NRXN3: variants seen among roughly 807,000 people sequenced by gnomAD.
NRXN3 encodes neurexin III.
Under a neutral mutation model 137.6 loss-of-function variants are expected in NRXN3, and 32 were observed. The observed-to-expected ratio is 0.23, with a 90% confidence interval of 0.18 to 0.31. The LOEUF is 0.31. Among genes scored for constraint, NRXN3 ranks in the 10% least tolerant of loss-of-function variants. NRXN3 has a pLI of 1.00. For missense variants in NRXN3, 1,574 were observed against 2,062.5 expected (o/e 0.76, Z 4.59); for synonymous variants, 798 against 784.5 (o/e 1.02, Z -0.29).
At chr14:79,361,951 T>C (rs2093694752) in intron 15 of NRXN3, among the ~76,000 whole-genome samples, 2 of 151,270 alleles carry the variant, frequency 1.3e-5, no homozygotes. Flanking sequence ...TGTAAGACTC[T>C]CGAGGCCAGC....
chr14:78,387,347 A>C (rs2090121320), intron 4 of NRXN3, among the ~76,000 whole-genome samples: 1 of 152,172 alleles, frequency 6.6e-6, no homozygotes, highest in Non-Finnish European at 1.5e-5. Context: ...ATAGGGCAGA[A>C]GATGGTCTTG....
intron 17 of NRXN3, among the ~76,000 whole-genome samples, chr14:79,682,804 A>C (rs1420016014): frequency 6.6e-6 from 1 of 151,996 alleles, no homozygotes; most frequent in Non-Finnish European, 1.5e-5. Flanking sequence ...AGCAAACTCT[A>C]CTCCCAGAAA....
intron 15 of NRXN3, among the ~76,000 whole-genome samples, chr14:79,440,246 A>G (rs1450889266): frequency 6.6e-6 from 1 of 152,204 alleles, no homozygotes; most frequent in East Asian, 1.9e-4. Flanking sequence ...GCAGAAAGTG[A>G]TTTGAATTCT....
intron 19 of NRXN3, among the ~76,000 whole-genome samples, chr14:79,748,234 T>C (rs2098985612): frequency 6.6e-6 from 1 of 151,960 alleles, no homozygotes; most frequent in Non-Finnish European, 1.5e-5. Context: ...GCAAGCTTTA[T>C]GCCAAAAAAA....
chr14:78,927,563 T>C (rs537435666), intron 10 of NRXN3, among the ~76,000 whole-genome samples: 1 of 152,180 alleles, frequency 6.6e-6, no homozygotes, highest in Admixed American at 6.5e-5. Flanking sequence ...CTTCATACAG[T>C]GTTGAGAGTT....
chr14:78,702,451 C>CTTTTCTTCTTTTT (rs151197180), intron 6 of NRXN3, among the ~76,000 whole-genome samples: 2 of 122,720 alleles, frequency 1.6e-5, no homozygotes, highest in South Asian at 5.1e-4. Flanking sequence ...TTTTTCTTTT[C>CTTTTCTTCTTTTT]TTATTTTTTT....
intron 4 of NRXN3, among the ~76,000 whole-genome samples, chr14:78,459,474 G>A (rs550807751): frequency 5.1e-4 from 77 of 152,226 alleles, no homozygotes; most frequent in African/African-American, 1.8e-3. Flanking sequence ...CCCATGGAAG[G>A]TCTTCCCTCT....
chr14:78,338,959 T>A (rs1438915371), intron 4 of NRXN3, among the ~76,000 whole-genome samples: 1 of 152,218 alleles, frequency 6.6e-6, no homozygotes, highest in East Asian at 1.9e-4. Context: ...TCTAGGCTCC[T>A]GACTTTGAAT....
intron 16 of NRXN3, among the ~76,000 whole-genome samples, chr14:79,467,785 A>T (rs2153614304): frequency 6.6e-6 from 1 of 152,306 alleles, no homozygotes; most frequent in East Asian, 1.9e-4. Context: ...GGGATTTGGC[A>T]AACCTTCTGT....
intron 4 of NRXN3, among the ~76,000 whole-genome samples, chr14:78,588,063 G>A (rs1047587621): frequency 6.6e-6 from 1 of 152,132 alleles, no homozygotes; most frequent in Non-Finnish European, 1.5e-5. Flanking sequence ...GTAAATAAAT[G>A]AGAAGAATTT....
chr14:78,478,936 A>G (rs2095425198), intron 4 of NRXN3, among the ~76,000 whole-genome samples: 1 of 152,156 alleles, frequency 6.6e-6, no homozygotes, highest in Non-Finnish European at 1.5e-5. Context: ...TCCTCCTTCA[A>G]GCTCTATGCA....
In NRXN3 at chr14:79,324,159, T is replaced by C. The variant is rs1168547816; in HGVS notation, c.3263-143062T>C. On this transcript the variant is annotated intron_variant, in intron 15 of 20. Coordinates refer to ENST00000335750, the MANE Select transcript of NRXN3 (RefSeq NM_001330195.2). ...GCCCAGAAATAATTTGGCCAGGGAT[T>C]GTGTTACTATTGTTGAATTAAACCA... Among the ~76,000 whole-genome samples, 3 of 152,230 alleles carry C rather than the reference T, an allele frequency of 2.0e-5. No homozygotes were observed. In the East Asian group the frequency reaches 5.8e-4, roughly 29 times the overall value.
intron 15 of NRXN3, among the ~76,000 whole-genome samples, chr14:79,415,679 G>C (rs2095486624): frequency 6.6e-6 from 1 of 152,066 alleles, no homozygotes; most frequent in African/African-American, 2.4e-5. Flanking sequence ...GTCACTCTAT[G>C]ACCTGTTGTC....
chr14:78,396,044 T>G (rs2091420423), intron 4 of NRXN3, among the ~76,000 whole-genome samples: 1 of 152,034 alleles, frequency 6.6e-6, no homozygotes. Flanking sequence ...TTCTCTGTGT[T>G]TCTCTTTTCT....
chr14:78,615,398 A>G (rs960402335), intron 4 of NRXN3, among the ~76,000 whole-genome samples: 1 of 150,366 alleles, frequency 6.7e-6, no homozygotes, highest in African/African-American at 2.5e-5. Context: ...CAGGAGATCG[A>G]AACCATCCTA....
At chr14:79,541,277 C>T (rs755080368) in intron 16 of NRXN3, among the ~76,000 whole-genome samples, 8 of 152,130 alleles carry the variant, frequency 5.3e-5, no homozygotes, top group Non-Finnish European at 8.8e-5. Context: ...GTGGCGCATG[C>T]CTGTAATCCC....
intron 15 of NRXN3, among the ~76,000 whole-genome samples, chr14:79,002,508 G>A (rs1296683631): frequency 6.6e-6 from 1 of 152,096 alleles, no homozygotes; most frequent in Admixed American, 6.6e-5. Context: ...TGAGAATAAT[G>A]GCTTCCAGCT....
intron 1 of NRXN3, among the ~76,000 whole-genome samples, chr14:78,206,407 AC>A (rs1340398679): frequency 6.6e-6 from 1 of 152,136 alleles, no homozygotes; most frequent in Non-Finnish European, 1.5e-5. Context: ...GATCACTCAT[AC>A]CCCAGAAATG....
chr14:78,540,373 T>G (rs963033875), intron 4 of NRXN3, among the ~76,000 whole-genome samples: 6 of 151,986 alleles, frequency 3.9e-5, no homozygotes, highest in Admixed American at 3.3e-4. Flanking sequence ...GGCCTTCTTT[T>G]TCTCTTTTGA....
Sources: gnomAD v4.1 joint callset for allele counts (sites outside exome capture counted in the v4.1 genomes callset) on GRCh38, gnomAD v4.1.1 for gene constraint, MANE v1.5 for transcripts, NCBI Gene and HGNC (gene_info 2026-07-23, HGNC 2026-07-21) for gene names.